LYST: variants seen among roughly 807,000 people sequenced by gnomAD.
The protein encoded by LYST is lysosomal trafficking regulator, also known as lysosomal-trafficking regulator.
A neutral mutation model predicts 413.6 loss-of-function variants in LYST; 192 were observed. That is an observed-to-expected ratio of 0.46 (90% CI 0.41 to 0.52). LYST has a LOEUF of 0.52. Ranked by LOEUF, LYST falls within the 20% of genes least tolerant of loss-of-function variation. The pLI is 0.00. For missense variants in LYST, 3,815 were observed against 4,499.9 expected (o/e 0.85, Z 4.35); for synonymous variants, 1,525 against 1,567.3 (o/e 0.97, Z 0.64).
intron 50 of LYST, among the ~76,000 whole-genome samples, chr1:235,670,322 G>C (rs925941156): frequency 6.6e-5 from 10 of 152,324 alleles, no homozygotes; most frequent in African/African-American, 2.4e-4. Context: ...TCCTTTGTTT[G>C]GTATGCTCTT....
At chr1:235,788,015 C>T (rs1399656066) in intron 13 of LYST, among the ~76,000 whole-genome samples, 1 of 152,072 alleles carries the variant, frequency 6.6e-6, no homozygotes, top group Non-Finnish European at 1.5e-5. Context: ...ATATATAATG[C>T]ACATGGAAAA....
intron 48 of LYST, among the ~76,000 whole-genome samples, chr1:235,680,602 CT>C (rs112884652): frequency 2.3e-3 from 330 of 142,068 alleles, no homozygotes; most frequent in Non-Finnish European, 2.3e-3. Flanking sequence ...AAGTGATTTT[CT>C]TTTTTTTTTT....
chr1:235,755,105 A>G (rs1423366276), intron 25 of LYST, among the ~76,000 whole-genome samples: 38 of 147,304 alleles, frequency 2.6e-4, no homozygotes, highest in Admixed American at 6.2e-4. Context: ...AAAAAAAAAA[A>G]AAAGCCAGGC....
upstream of LYST, among the ~76,000 whole-genome samples, chr1:235,867,617 G>C (rs1471774802): frequency 6.6e-6 from 1 of 152,184 alleles, no homozygotes; most frequent in African/African-American, 2.4e-5. Flanking sequence ...AGTCCCTCCA[G>C]AGGGTGGGAG....
At chr1:235,790,819 G>T (rs182949277) in intron 12 of LYST, among the ~76,000 whole-genome samples, 9 of 152,304 alleles carry the variant, frequency 5.9e-5, no homozygotes, top group African/African-American at 2.2e-4. Flanking sequence ...GAACTGGAAT[G>T]AAATTTATTC....
At chr1:235,787,398 G>T (rs1292957379) in intron 13 of LYST, 25 bp from the exon 14 acceptor site, 1 of 1,603,532 alleles carries the variant, frequency 6.2e-7, no homozygotes, top group South Asian at 1.1e-5. Context: ...AAAAGGCATA[G>T]GCTGAAAACA....
At chr1:235,803,638 T>TA (rs1276771509) in intron 7 of LYST, among the ~76,000 whole-genome samples, 1 of 152,132 alleles carries the variant, frequency 6.6e-6, no homozygotes, top group Non-Finnish European at 1.5e-5. Flanking sequence ...ATTCCACTAA[T>TA]ACCTTCATTT....
At position 235,810,063 on chromosome 1, in the gene LYST, T is replaced by C. The variant is rs537506938; in HGVS notation, c.755A>G (p.Asn252Ser). The C allele has an allele frequency of 2.5e-6, 4 of 1,614,048 alleles. No homozygotes were observed. The highest frequency in any genetic ancestry group is 3.4e-6 in the Non-Finnish European group (4 of 1,179,942). The change falls in exon 5 of 53, where the codon AAT (asparagine) becomes AGT (serine). Residue 252 changes from asparagine to serine, a missense_variant. Physicochemically the swap from Asn to Ser is conservative, Grantham distance 46 (BLOSUM62 1). Transcript: ENST00000389793. ...AACATGACATAAGTCAAATGGAGAA[T>C]TGTTCATGTTACTGATAACAGACAA... ...AALSVISNMN[N>S]SPFDLCHVLL... is the part of the protein sequence containing the mutation.
In LYST at chr1:235,854,652, T is replaced by G. The variant is rs1678954953; in HGVS notation, c.-98+12191A>C. Reference sequence around the variant, plus strand: ...AGAGTAGCTGTAGTTGTTGCGAATATCAACATTAAACGAGATAATTCATGT... The same window carrying G: ...AGAGTAGCTGTAGTTGTTGCGAATAGCAACATTAAACGAGATAATTCATGT... On this transcript the variant is annotated intron_variant, in intron 1 of 52. Transcript: ENST00000389793. The surrounding 1 kb of genome is among the most constrained non-coding windows in gnomAD (Gnocchi z 4.1). 2.0e-5 allele frequency among the ~76,000 whole-genome samples: 3 copies of G among 152,282 alleles called. No homozygotes were observed. The highest frequency in any genetic ancestry group is 4.1e-4 in the South Asian group (2 of 4,828).
At chr1:235,785,236 C>T (rs530709417) in intron 14 of LYST, among the ~76,000 whole-genome samples, 19 of 152,214 alleles carry the variant, frequency 1.2e-4, no homozygotes, top group African/African-American at 3.1e-4. Flanking sequence ...ATCCACCCAT[C>T]GTAAGTGTCA....
intron 15 of LYST, among the ~76,000 whole-genome samples, 174 bp from the exon 16 acceptor site, chr1:235,781,229 T>C (rs935271373): frequency 6.6e-6 from 1 of 152,232 alleles, no homozygotes; most frequent in African/African-American, 2.4e-5. Flanking sequence ...AAATAACCTA[T>C]GTCAACTATG....
intron 12 of LYST, 88 bp downstream of exon 12, chr1:235,791,611 A>T: frequency 9.2e-7 from 1 of 1,090,024 alleles, no homozygotes; most frequent in Non-Finnish European, 1.4e-6. Context: ...TAAGAGTGTT[A>T]AGAACACTAC....
At chr1:235,867,053 C>T (rs1680640398), upstream of LYST, 1 of 152,532 alleles carries the variant, frequency 6.6e-6, no homozygotes, top group South Asian at 2.0e-4. Flanking sequence ...GTGTAAGCCC[C>T]GCCTCCTCTG....
At chr1:235,782,354 T>A (rs1030990114) in intron 14 of LYST, among the ~76,000 whole-genome samples, 45 of 152,000 alleles carry the variant, frequency 3.0e-4, no homozygotes, top group African/African-American at 1.0e-3. Context: ...ATTTTTTTTT[T>A]AGTAAAGACG....
intron 27 of LYST, among the ~76,000 whole-genome samples, chr1:235,751,752 C>T (rs1163145233): frequency 3.3e-5 from 5 of 152,112 alleles, no homozygotes; most frequent in Admixed American, 6.6e-5. Context: ...TTAAATTCTA[C>T]TTGGTAAGAA....
intron 50 of LYST, among the ~76,000 whole-genome samples, chr1:235,665,662 A>C (rs1020858654): frequency 6.6e-6 from 1 of 151,882 alleles, no homozygotes; most frequent in Non-Finnish European, 1.5e-5. Flanking sequence ...AGAAAAAAAA[A>C]GGTGTAGTAA....
rs1658259314 is a variant in LYST, at chr1:235,664,326, A to C, written c.11195+139T>G. ...ATTATTTAGAAATAAAACAGGAATA[A>C]CTAAAGAACCTACACCCCAAGGTGA... On this transcript the variant is annotated intron_variant, in intron 51 of 52. Coordinates refer to ENST00000389793, the MANE Select transcript of LYST (RefSeq NM_000081.4). This position sits in a 1 kb window ranked among gnomAD's most constrained non-coding sequence, Gnocchi z 4.5. 1 of 790,048 alleles carries C rather than the reference A, an allele frequency of 1.3e-6. No homozygotes were observed. Among genetic ancestry groups the C allele is most frequent in the South Asian group, 1.7e-5 (1 of 59,232 alleles). 48.9% of individuals were successfully genotyped at this position (790,048 alleles called of 1,614,324 possible).
chr1:235,848,830 G>T (rs1461595407), intron 1 of LYST, among the ~76,000 whole-genome samples: 1 of 151,920 alleles, frequency 6.6e-6, no homozygotes. Flanking sequence ...AAATCAGGAA[G>T]AATGAGATAC....
chr1:235,761,471 A>G (rs533366808), intron 22 of LYST, among the ~76,000 whole-genome samples: 10 of 152,326 alleles, frequency 6.6e-5, no homozygotes, highest in Admixed American at 6.5e-4. Context: ...GGAAGATAGA[A>G]AAGTACTGTA....
Sources: allele counts gnomAD v4.1 joint callset (sites outside exome capture counted in the v4.1 genomes callset), GRCh38; gene constraint gnomAD v4.1.1; non-coding constraint Gnocchi (gnomAD v3.1); transcripts MANE v1.5; gene names NCBI Gene and HGNC (gene_info 2026-07-23, HGNC 2026-07-21).